The following KPNA2 variants were observed in gnomAD, a reference collection of about 807,000 sequenced individuals.
The protein encoded by KPNA2 is importin subunit alpha-1.
In KPNA2, 20 loss-of-function variants were observed where a neutral mutation model predicts 53.7. That is an observed-to-expected ratio of 0.37 (90% CI 0.26 to 0.54). KPNA2 has a LOEUF of 0.54. Among genes scored for constraint, KPNA2 ranks in the 20% least tolerant of loss-of-function variants. The pLI, the probability that KPNA2 is intolerant of heterozygous loss-of-function variation, is 0.83. For synonymous variants in KPNA2, 238 were observed against 227.5 expected (o/e 1.05, Z -0.42); for missense variants, 515 against 640.3 (o/e 0.80, Z 2.11).
intron 1 of KPNA2, chr17:68,036,077 G>C (rs2144203561): frequency 6.6e-6 from 1 of 152,252 alleles, no homozygotes; most frequent in East Asian, 1.9e-4. Context: ...CGTCGCGGCC[G>C]GGAGAATCGG....
chr17:68,040,753 A>T lies in KPNA2; in HGVS notation c.289A>T (p.Thr97Ser). The change falls in exon 4 of 11, where the codon ACT (threonine) becomes TCT (serine). Residue 97 changes from threonine to serine, a missense_variant. Physicochemically the swap from Thr to Ser is moderately conservative, Grantham distance 58. Transcript: ENST00000330459. ...SSNVENQLQA[T>S]QAARKLLSRE... ...CAATGTGGAAAATCAGCTCCAAGCT[A>T]CTCAAGCTGCCAGGTAAGTCTTGTC... 1.9e-6 allele frequency: 3 copies of T among 1,602,882 alleles called. No individual in the cohort carries two copies. The highest frequency in any genetic ancestry group is 2.6e-6 in the Non-Finnish European group (3 of 1,172,348).
chr17:68,043,336 T>G lies in KPNA2; in HGVS notation c.903T>G (p.Leu301=). The G allele has an allele frequency of 6.2e-7, 1 of 1,614,090 alleles. No individual in the cohort carries two copies. The highest frequency in any genetic ancestry group is 8.5e-7 in the Non-Finnish European group (1 of 1,179,966). The change falls in exon 7 of 11, where the codon CTT becomes CTG. Residue 301 remains leucine, a synonymous_variant. Coordinates refer to ENST00000330459, the MANE Select transcript of KPNA2 (RefSeq NM_002266.4). ...GAGTTGTGCCCCAACTTGTGAAGCT[T>G]CTAGGAGCTTCTGAATTGCCAATTG... ...KTGVVPQLVK[L]LGASELPIVT... is the part of the protein sequence containing the mutation.
chr17:68,042,048 A>G (rs782537601), intron 4 of KPNA2, 37 bp from the exon 5 acceptor site: 8 of 1,556,042 alleles, frequency 5.1e-6, no homozygotes, highest in Non-Finnish European at 7.0e-6. Context: ...TTTGTTAATC[A>G]CTGTCAACTT....
intron 3 of KPNA2, among the ~76,000 whole-genome samples, chr17:68,038,574 A>G (rs782366310): frequency 1.3e-5 from 2 of 152,124 alleles, no homozygotes; most frequent in Non-Finnish European, 1.5e-5. Flanking sequence ...GTACTGCTTT[A>G]GACCTGTGTT....
Position 68,042,980 on chromosome 17 carries a change from C to T in KPNA2, c.647C>T (p.Pro216Leu). Residue 216 changes from proline (P) to leucine (L), a missense_variant, in exon 6 of 11, where the codon CCT (proline) becomes CTT (leucine). By Grantham distance (98) the Pro-to-Leu change is moderately conservative. Coordinates refer to ENST00000330459, the MANE Select transcript of KPNA2 (RefSeq NM_002266.4). ...VDPLLALLAV[P>L]DMSSLACGYL... The stretch of plus-strand genomic sequence containing the variant: ...CCACTGTTGGCTCTCCTTGCAGTTC[C>T]TGATATGTCATCTTTAGCAGTAAGT... 7 of 1,613,534 alleles carry T rather than the reference C, an allele frequency of 4.3e-6. No individual in the cohort carries two copies. Among genetic ancestry groups the T allele is most frequent in the Non-Finnish European group, 5.9e-6 (7 of 1,179,678 alleles).
intron 9 of KPNA2, among the ~76,000 whole-genome samples, chr17:68,045,046 G>C (rs1387763207): frequency 3.9e-4 from 57 of 147,080 alleles, no homozygotes; most frequent in Non-Finnish European, 6.7e-4. Context: ...AGTGAGCCAA[G>C]TTTGTGTTAT....
At chr17:68,039,449 C>A (rs1555704221) in intron 3 of KPNA2, among the ~76,000 whole-genome samples, 1 of 151,484 alleles carries the variant, frequency 6.6e-6, no homozygotes, top group Non-Finnish European at 1.5e-5. Context: ...TTTGCAGCAA[C>A]ACTTAACCGT....
intron 4 of KPNA2, 77 bp from the exon 5 acceptor site, chr17:68,042,008 C>A: frequency 7.9e-7 from 1 of 1,270,046 alleles, no homozygotes; most frequent in South Asian, 1.4e-5. Context: ...TCTTGAATTG[C>A]ATTTTATATT....
chr17:68,038,124 C>A (rs1228498731), intron 3 of KPNA2, among the ~76,000 whole-genome samples: 2 of 152,092 alleles, frequency 1.3e-5, no homozygotes, highest in Non-Finnish European at 2.9e-5. Flanking sequence ...CTACAGGCGC[C>A]CGCACCCTGT....
Position 68,040,696 on chromosome 17 carries a change from G to C in KPNA2, c.232G>C (p.Val78Leu), listed in dbSNP as rs782692582. 1.7e-5 allele frequency: 28 copies of C among 1,612,610 alleles called. No homozygotes were observed. The South Asian group carries it at 3.1e-4, about 18-fold the overall frequency. Residue 78 changes from valine to leucine, a missense_variant, in exon 4 of 11, where the codon GTT becomes CTT. Transcript: ENST00000330459. ...CTTCTAGGGCACTGTAAATTGGTCT[G>C]TTGATGACATTGTCAAAGGCATAAA... is the stretch of plus-strand genomic sequence containing the variant. ...RNNQGTVNWS[V>L]DDIVKGINSS... is the part of the protein sequence containing the mutation.
chr17:68,038,202 C>T (rs1338913517), intron 3 of KPNA2, among the ~76,000 whole-genome samples: 2 of 152,206 alleles, frequency 1.3e-5, no homozygotes, highest in African/African-American at 2.4e-5. Flanking sequence ...GTCTCGATCT[C>T]CTGACCTCGT....
chr17:68,040,259 TA>T (rs1374056802), intron 3 of KPNA2, among the ~76,000 whole-genome samples: 14 of 142,050 alleles, frequency 9.9e-5, no homozygotes, highest in East Asian at 8.0e-4. Flanking sequence ...CATGCCTGGA[TA>T]TTTTTTTTTT....
chr17:68,040,231 G>A (rs1233811145), intron 3 of KPNA2, among the ~76,000 whole-genome samples: 3 of 151,676 alleles, frequency 2.0e-5, no homozygotes, highest in African/African-American at 7.3e-5. Context: ...GTCTTGTATG[G>A]CGACAGGCAA....
At chr17:68,043,052 A>C (rs781789612) in intron 6 of KPNA2, 48 bp from the exon 7 acceptor site, 2 of 1,612,844 alleles carry the variant, frequency 1.2e-6, no homozygotes, top group Non-Finnish European at 1.7e-6. Flanking sequence ...AATTTCCCCC[A>C]TCTTCTCAAA....
chr17:68,037,058 T>C (rs1382305409), intron 1 of KPNA2, 52 bp from the exon 2 acceptor site: 101 of 1,182,618 alleles, frequency 8.5e-5, no homozygotes, highest in Non-Finnish European at 6.6e-5. Flanking sequence ...GGTACTATTA[T>C]TGACAAAGGA....
At chr17:68,045,380 C>CA (rs1314323518) in intron 9 of KPNA2, 24 of 160,302 alleles carry the variant, frequency 1.5e-4, no homozygotes, top group African/African-American at 5.5e-4. Context: ...CATAGGCCAT[C>CA]TTTGCCCTTA....
intron 7 of KPNA2, among the ~76,000 whole-genome samples, chr17:68,043,610 G>A (rs1884953330): frequency 6.6e-6 from 1 of 151,042 alleles, no homozygotes; most frequent in Admixed American, 6.6e-5. Context: ...GGAGGCTAAG[G>A]CAGGAGAATT....
intron 3 of KPNA2, among the ~76,000 whole-genome samples, chr17:68,039,975 G>A (rs1289235184): frequency 1.3e-5 from 2 of 151,678 alleles, no homozygotes; most frequent in African/African-American, 4.8e-5. Context: ...AGGTACTTGG[G>A]AGGCTGAGGC....
intron 3 of KPNA2, among the ~76,000 whole-genome samples, chr17:68,039,500 G>C (rs2071229001): frequency 6.6e-6 from 1 of 151,902 alleles, no homozygotes; most frequent in South Asian, 2.1e-4. Flanking sequence ...AAAATCCTCG[G>C]CCGGGTGTGG....
Sources: gnomAD v4.1 joint callset for allele counts (sites outside exome capture counted in the v4.1 genomes callset) on GRCh38, gnomAD v4.1.1 for gene constraint, MANE v1.5 for transcripts, NCBI Gene and HGNC (gene_info 2026-07-23, HGNC 2026-07-21) for gene names.